HCRTR2: variants seen among roughly 807,000 people sequenced by gnomAD.
HCRTR2 encodes the protein orexin receptor type 2.
A neutral mutation model predicts 49.0 loss-of-function variants in HCRTR2; 22 were observed. The ratio of observed to expected loss-of-function variants is 0.45; its 90% CI spans 0.32 to 0.64. The LOEUF (loss-of-function observed/expected upper bound fraction) is 0.64. Ranked by LOEUF, HCRTR2 falls within the 30% of genes least tolerant of loss-of-function variation. HCRTR2 has a pLI of 0.04. For synonymous variants in HCRTR2, 236 were observed against 205.3 expected, an observed-to-expected ratio of 1.15 and a Z score of -1.28; for missense variants, 491 against 559.4, an observed-to-expected ratio of 0.88 and a Z score of 1.23.
At chr6:55,193,688 A>G (rs1381557579) in intron 1 of HCRTR2, among the ~76,000 whole-genome samples, 2 of 151,948 alleles carry the variant, frequency 1.3e-5, no homozygotes, top group African/African-American at 2.4e-5. Flanking sequence ...CTGTCTCCAC[A>G]TTTCTCATAA....
intron 1 of HCRTR2, among the ~76,000 whole-genome samples, chr6:55,194,883 A>G (rs1765382986): frequency 1.8e-5 from 2 of 114,098 alleles, no homozygotes; most frequent in African/African-American, 5.3e-5. Flanking sequence ...TTGTTATAAA[A>G]CAACACAATT....
chr6:55,267,106 T>C (rs922343568), intron 4 of HCRTR2, among the ~76,000 whole-genome samples: 3 of 152,140 alleles, frequency 2.0e-5, no homozygotes, highest in Admixed American at 6.6e-5. Context: ...AAATGCGTGA[T>C]TACATAGAAT....
chr6:55,116,681 G>A (rs1192524006), intron 1 of HCRTR2, among the ~76,000 whole-genome samples: 5 of 142,216 alleles, frequency 3.5e-5, no homozygotes, highest in Middle Eastern at 3.9e-3. Flanking sequence ...ATCAAAAATA[G>A]TGGTTATTCT....
At chr6:55,207,565 T>A (rs982712290) in intron 1 of HCRTR2, among the ~76,000 whole-genome samples, 3 of 152,110 alleles carry the variant, frequency 2.0e-5, no homozygotes, top group African/African-American at 7.2e-5. Context: ...GGGATTGTAT[T>A]AGGATAAAAG....
intron 1 of HCRTR2, among the ~76,000 whole-genome samples, chr6:55,231,642 A>G (rs1296433401): frequency 6.6e-6 from 1 of 152,142 alleles, no homozygotes; most frequent in Non-Finnish European, 1.5e-5. Context: ...ACTCCATCCA[A>G]AAAATTGAGT....
At chr6:55,257,441 A>G (rs1766674288) in intron 3 of HCRTR2, among the ~76,000 whole-genome samples, 1 of 152,104 alleles carries the variant, frequency 6.6e-6, no homozygotes, top group African/African-American at 2.4e-5. Flanking sequence ...ATATTTTTCA[A>G]TATGTGTCAG....
At chr6:55,238,997 C>CT (rs1390626336) in intron 1 of HCRTR2, among the ~76,000 whole-genome samples, 1 of 152,070 alleles carries the variant, frequency 6.6e-6, no homozygotes, top group African/African-American at 2.4e-5. Flanking sequence ...CTGTAGAACT[C>CT]TGAGAACAGG....
upstream of HCRTR2, among the ~76,000 whole-genome samples, chr6:55,172,306 T>C (rs1764962329): frequency 6.6e-6 from 1 of 152,198 alleles, no homozygotes; most frequent in Non-Finnish European, 1.5e-5. Flanking sequence ...TTTCTACTCA[T>C]CATCACCTCA....
intron 5 of HCRTR2, 124 bp downstream of exon 5, chr6:55,277,724 GC>G: frequency 1.3e-6 from 1 of 741,126 alleles, no homozygotes; most frequent in Non-Finnish European, 2.3e-6. Context: ...ACCTTGTCAG[GC>G]CAGATGACTC....
intron 4 of HCRTR2, among the ~76,000 whole-genome samples, chr6:55,264,637 T>A (rs1382625314): frequency 6.6e-6 from 1 of 152,104 alleles, no homozygotes; most frequent in Non-Finnish European, 1.5e-5. Context: ...TAAACCTTGA[T>A]GATTTGAAGG....
chr6:55,189,367 C>T (rs902341916), intron 1 of HCRTR2, among the ~76,000 whole-genome samples: 1 of 151,832 alleles, frequency 6.6e-6, no homozygotes, highest in African/African-American at 2.4e-5. Context: ...GAAGTTAAGA[C>T]AATGGGATAG....
At chr6:55,180,385 A>T (rs189040463) in intron 1 of HCRTR2, among the ~76,000 whole-genome samples, 14 of 152,326 alleles carry the variant, frequency 9.2e-5, no homozygotes, top group Admixed American at 8.5e-4. Context: ...AGATACTTAG[A>T]TGTGCCCTCT....
At chr6:55,206,734 C>T (rs532847118) in intron 1 of HCRTR2, among the ~76,000 whole-genome samples, 12 of 151,964 alleles carry the variant, frequency 7.9e-5, no homozygotes, top group Non-Finnish European at 1.8e-4. Context: ...CTGAAGTGTC[C>T]TATATGCAGA....
At chr6:55,172,063 G>A (rs1764958413), upstream of HCRTR2, among the ~76,000 whole-genome samples, 1 of 152,118 alleles carries the variant, frequency 6.6e-6, no homozygotes, top group South Asian at 2.1e-4. Context: ...ACAGATTTAT[G>A]CCGATGAACT....
intron 1 of HCRTR2, among the ~76,000 whole-genome samples, chr6:55,231,231 A>G (rs567565030): frequency 1.3e-5 from 2 of 152,190 alleles, no homozygotes; most frequent in South Asian, 4.1e-4. Context: ...TAATAGACAT[A>G]CAGGTATTCT....
chr6:55,219,442 C>T (rs909823853), intron 1 of HCRTR2, among the ~76,000 whole-genome samples: 1 of 152,084 alleles, frequency 6.6e-6, no homozygotes, highest in African/African-American at 2.4e-5. Context: ...AATTCTTGAA[C>T]AGTCCATGGG....
intron 4 of HCRTR2, among the ~76,000 whole-genome samples, chr6:55,274,031 T>C (rs1301567833): frequency 6.6e-6 from 1 of 151,818 alleles, no homozygotes; most frequent in African/African-American, 2.4e-5. Context: ...CCAGGTCTTT[T>C]GCACTTTCAT....
Position 55,165,744 on chromosome 6 carries a change from A to AATAT in HCRTR2, c.-377-8425_-377-8422dup, listed in dbSNP as rs56655240. ...TATTTGTTAAGGGATTAGTATACAG[A>AATAT]ATATATATATATATATATATATATA... On this transcript the variant is annotated intron_variant, in intron 1 of 7. Coordinates refer to the HCRTR2 transcript ENST00000615358. 2.8e-3 allele frequency among the ~76,000 whole-genome samples: 360 copies of AATAT among 128,222 alleles called. 2 individuals carry two copies. Among genetic ancestry groups the AATAT allele is most frequent in the African/African-American group, 8.0e-3 (258 of 32,338 alleles). 84.1% of individuals were successfully genotyped at this position (128,222 alleles called of 152,430 possible).
intron 1 of HCRTR2, among the ~76,000 whole-genome samples, chr6:55,165,744 A>AATATATATATATATAT (rs56655240): frequency 1.5e-4 from 19 of 128,486 alleles, no homozygotes; most frequent in East Asian, 9.1e-4. Context: ...TAGTATACAG[A>AATATATATATATATAT]ATATATATAT....
Sources: gnomAD v4.1 joint callset for allele counts (sites outside exome capture counted in the v4.1 genomes callset) on GRCh38, gnomAD v4.1.1 for gene constraint, MANE v1.5 for transcripts, NCBI Gene and HGNC (gene_info 2026-07-23, HGNC 2026-07-21) for gene names.